The following PROKR2 variants were observed in gnomAD, a reference collection of about 807,000 sequenced individuals.
PROKR2 encodes prokineticin receptor 2, also known as G protein-coupled receptor 73-like 1.
A neutral mutation model predicts 23.4 loss-of-function variants in PROKR2; 26 were observed. The ratio of observed to expected loss-of-function variants is 1.11; its 90% CI spans 0.81 to 1.54. The LOEUF is 1.54. PROKR2 is among the 40% of genes most tolerant of loss of function. PROKR2 has a pLI of 0.00. For synonymous variants in PROKR2, 212 were observed against 201.2 expected (o/e 1.05, Z -0.45); for missense variants, 453 against 511.5 (o/e 0.89, Z 1.10).
chr20:5,311,802 G>A (rs1212576123), intron 2 of PROKR2, among the ~76,000 whole-genome samples: 1 of 152,154 alleles, frequency 6.6e-6, no homozygotes, highest in Non-Finnish European at 1.5e-5. Flanking sequence ...TCCCATGCTG[G>A]ATGCTTCCTG....
intron 2 of PROKR2, among the ~76,000 whole-genome samples, chr20:5,308,592 C>A (rs577605281): frequency 6.6e-6 from 1 of 152,196 alleles, no homozygotes; most frequent in Non-Finnish European, 1.5e-5. Context: ...TCGGGGCTCT[C>A]AGCTCTGAAG....
rs775755881 is a variant in PROKR2, at chr20:5,302,265, G to C, written c.930C>G (p.His310Gln). 7 of 1,614,128 alleles carry C rather than the reference G, an allele frequency of 4.3e-6. No homozygotes were observed. The highest frequency in any genetic ancestry group is 5.9e-6 in the Non-Finnish European group (7 of 1,180,052). ...FFPTVFVKEK[H>Q]YLTAFYVVEC... ...CGACCACGTAGAAGGCAGTGAGGTA[G>C]TGCTTTTCCTTCACGAACACAGTGG... is the stretch of plus-strand genomic sequence containing the variant. Residue 310 changes from histidine to glutamine, a missense_variant, in exon 3 of 3, where the codon CAC (histidine) becomes CAG (glutamine). Transcript: ENST00000678254.
intron 2 of PROKR2, 27 bp from the exon 3 acceptor site, chr20:5,302,763 GTAA>G: frequency 6.4e-7 from 1 of 1,554,492 alleles, no homozygotes; most frequent in Non-Finnish European, 8.9e-7. Context: ...GCCAACAGTA[GTAA>G]TGATGAATAC....
rs1979057324 is a variant in PROKR2 at position 5,302,712 on chromosome 20, C to T, written c.483G>A (p.Leu161=). 1 of 1,613,986 alleles carries T rather than the reference C, an allele frequency of 6.2e-7. No homozygotes were observed. Among genetic ancestry groups the T allele is most frequent in the Non-Finnish European group, 8.5e-7 (1 of 1,179,882 alleles). Residue 161 remains leucine (L), a synonymous_variant, in exon 3 of 3, where the codon TTG becomes TTA. Transcript: ENST00000678254. ...IDRYLAIVHP[L]KPRMNYQTAS... ...CCGTTTGATAATTCATCCGTGGTTT[C>T]AAGGGGTGAACGATGGCGAGATATC...
At position 5,301,842 on chromosome 20, in the gene PROKR2, C is replaced by T. The variant is rs768964734; in HGVS notation, c.*198G>A. On this transcript the variant is annotated 3_prime_UTR_variant, in exon 3 of 3. Transcript: ENST00000678254. Reference sequence around the variant, plus strand: ...GATTGTGGACACAGTAGGTGTCGAGCGGATATCAGTAAATGTCAGCTGATT... The same window carrying T: ...GATTGTGGACACAGTAGGTGTCGAGTGGATATCAGTAAATGTCAGCTGATT... Among the ~76,000 whole-genome samples, 4 of 152,136 alleles carry T rather than the reference C, an allele frequency of 2.6e-5. No individual in the cohort carries two copies. The highest frequency in any genetic ancestry group is 4.8e-5 in the African/African-American group (2 of 41,420).
In PROKR2 at chr20:5,316,526, T is replaced by G. The variant is rs4544519; in HGVS notation, c.-41A>C. 88,340 of 362,482 alleles carry G rather than the reference T, an allele frequency of 0.24. 11,147 individuals carry two copies. The highest frequency in any genetic ancestry group is 0.31 in the Middle Eastern group (798 of 2,616). The allele number at this position is 362,482 out of a possible 1,614,324, so 22.5% of individuals were successfully genotyped here. A position where few individuals can be genotyped will look rare whatever the true frequency, so the allele number is the denominator to read the frequency against. The stretch of plus-strand genomic sequence containing the variant: ...GGCGCCTCCTTTCTGTGCGCTCTGC[T>G]GCTCCGGAAGCCGGATCGAGAGTCA... On this transcript the variant is annotated 5_prime_UTR_variant, in exon 1 of 3. Transcript: ENST00000678254. This position sits in a 1 kb window ranked among gnomAD's most constrained non-coding sequence, Gnocchi z 5.0.
chr20:5,303,668 C>T (rs56686305), intron 2 of PROKR2, among the ~76,000 whole-genome samples: 8,508 of 152,056 alleles, frequency 0.056, 587 homozygotes, highest in African/African-American at 0.16. Flanking sequence ...GGTGCCCTGG[C>T]ATCATTTCTA....
intron 2 of PROKR2, 49 bp from the exon 3 acceptor site, chr20:5,302,785 G>A (rs765214648): frequency 9.6e-6 from 14 of 1,451,328 alleles, no homozygotes; most frequent in Admixed American, 3.3e-5. Context: ...ACGTGGAAAC[G>A]TTAGTTTGTA....
At position 5,316,221 on chromosome 20, in the gene PROKR2, G is replaced by A. The variant is rs775024979; in HGVS notation, c.-9+273C>T. 2.0e-5 allele frequency: 9 copies of A among 456,430 alleles called. No homozygotes were observed. Among genetic ancestry groups the A allele is most frequent in the Non-Finnish European group, 3.5e-5 (8 of 226,944 alleles). 28.3% of individuals were successfully genotyped at this position (456,430 alleles called of 1,614,324 possible). On this transcript the variant is annotated intron_variant, in intron 1 of 2. Transcript: ENST00000678254. This position sits in a 1 kb window ranked among gnomAD's most constrained non-coding sequence, Gnocchi z 5.0. ...CACCCTCCCCTGCAATTTGGAGCTC[G>A]TCCGCGAGCTCAGCTACCCGCTGGC...
intron 2 of PROKR2, among the ~76,000 whole-genome samples, chr20:5,303,344 C>T (rs1600578517): frequency 6.6e-6 from 1 of 152,170 alleles, no homozygotes; most frequent in African/African-American, 2.4e-5. Context: ...AGCTGTCATC[C>T]TGCATTTCAG....
intron 2 of PROKR2, among the ~76,000 whole-genome samples, chr20:5,305,702 T>C (rs1979194121): frequency 6.6e-6 from 1 of 151,956 alleles, no homozygotes; most frequent in African/African-American, 2.4e-5. Context: ...AATTTAAAGG[T>C]TTGGTAGGTA....
At chr20:5,312,591 G>A (rs1020833795) in intron 2 of PROKR2, among the ~76,000 whole-genome samples, 10 of 152,212 alleles carry the variant, frequency 6.6e-5, no homozygotes, top group Non-Finnish European at 8.8e-5. Context: ...TCCTACACCC[G>A]TCTGTGTATT....
rs1191972976 is a variant in PROKR2, at chr20:5,313,954, A to G, written c.416T>C (p.Leu139Pro). The G allele has an allele frequency of 5.0e-6, 8 of 1,614,120 alleles. No individual in the cohort carries two copies. The Admixed American group carries it at 6.7e-5, about 13-fold the overall frequency. ...ASVNYLRTVS[L>P]YVSTNALLAI... Reference sequence around the variant, plus strand: ...CAGCAAGGCATTGGTGGAGACGTAGAGGGAGACGGTGCGCAGGTAGTTGAC... The same window carrying G: ...CAGCAAGGCATTGGTGGAGACGTAGGGGGAGACGGTGCGCAGGTAGTTGAC... Residue 139 changes from leucine (L) to proline (P), a missense_variant, in exon 2 of 3, where the codon CTC (leucine) becomes CCC (proline). Physicochemically the swap from Leu to Pro is moderately conservative, Grantham distance 98. Coordinates refer to ENST00000678254, the MANE Select transcript of PROKR2 (RefSeq NM_144773.4).
intron 2 of PROKR2, among the ~76,000 whole-genome samples, chr20:5,312,668 CAG>C (rs1201618289): frequency 6.6e-6 from 1 of 151,952 alleles, no homozygotes; most frequent in Non-Finnish European, 1.5e-5. Context: ...GCACTGAGAA[CAG>C]GGGAAAAATT....
chr20:5,303,178 T>C (rs1356741511), intron 2 of PROKR2, among the ~76,000 whole-genome samples: 1 of 152,206 alleles, frequency 6.6e-6, no homozygotes, highest in Admixed American at 6.5e-5. Context: ...CCACCTTGGG[T>C]TTCCATCTTG....
chr20:5,302,290 G>A lies in PROKR2; in HGVS notation c.905C>T (p.Pro302Leu), dbSNP rs1241224140. ...YGFTIVRDFF[P>L]TVFVKEKHYL... ...GTGCTTTTCCTTCACGAACACAGTG[G>A]GGAAGAAGTCACGAACGATGGTGAA... Residue 302 changes from proline to leucine, a missense_variant, in exon 3 of 3, where the codon CCC becomes CTC. Pro to Leu is a moderately conservative substitution (Grantham distance 98, BLOSUM62 -3). Coordinates refer to ENST00000678254, the MANE Select transcript of PROKR2 (RefSeq NM_144773.4). 6.2e-7 allele frequency: 1 copy of A among 1,614,096 alleles called. No homozygotes were observed. Among genetic ancestry groups the A allele is most frequent in the Non-Finnish European group, 8.5e-7 (1 of 1,180,042 alleles).
At chr20:5,315,962 C>G (rs747353111) in intron 1 of PROKR2, 10 of 456,540 alleles carry the variant, frequency 2.2e-5, no homozygotes, top group South Asian at 1.4e-4. Context: ...CGGGAGCGAC[C>G]CGTTCCAGCA....
At chr20:5,303,608 A>G (rs934209449) in intron 2 of PROKR2, among the ~76,000 whole-genome samples, 2 of 152,108 alleles carry the variant, frequency 1.3e-5, no homozygotes, top group African/African-American at 4.8e-5. Flanking sequence ...ATTTGTGTGG[A>G]TTGAATACTT....
intron 2 of PROKR2, among the ~76,000 whole-genome samples, chr20:5,308,993 C>T (rs574371605): frequency 1.1e-4 from 16 of 152,262 alleles, no homozygotes; most frequent in African/African-American, 3.8e-4. Flanking sequence ...GATCCTACCC[C>T]AACCGCTGGC....
Sources: gnomAD v4.1 joint callset for allele counts (sites outside exome capture counted in the v4.1 genomes callset) on GRCh38, gnomAD v4.1.1 for gene constraint, Gnocchi (gnomAD v3.1) non-coding constraint, MANE v1.5 for transcripts, NCBI Gene and HGNC (gene_info 2026-07-23, HGNC 2026-07-21) for gene names.